The following EYA3 variants were observed in gnomAD, a reference collection of about 807,000 sequenced individuals.
EYA3 encodes EYA transcriptional coactivator and phosphatase 3, also known as protein phosphatase EYA3.
EYA3 carries 39 observed loss-of-function variants against 80.0 expected under a neutral mutation model. The ratio of observed to expected loss-of-function variants is 0.49; its 90% CI spans 0.38 to 0.64. The LOEUF is 0.64. EYA3 is among the 30% of genes least tolerant of loss of function. EYA3 has a pLI of 0.00. For synonymous variants in EYA3, 206 were observed against 232.8 expected (o/e 0.88, Z 1.05); for missense variants, 523 against 676.1 (o/e 0.77, Z 2.51).
intron 16 of EYA3, among the ~76,000 whole-genome samples, chr1:27,985,450 C>G (rs1038530607): frequency 1.3e-5 from 2 of 152,032 alleles, no homozygotes; most frequent in Non-Finnish European, 2.9e-5. Context: ...TTCAAGACAC[C>G]ATTCTTCTCA....
In EYA3 at chr1:28,010,960, T is replaced by G. The variant is rs141894644; in HGVS notation, c.896A>C (p.Asp299Ala). The change falls in exon 10 of 18, where the codon GAC becomes GCC. Residue 299 changes from aspartate to alanine, a missense_variant. Coordinates refer to ENST00000373871, the MANE Select transcript of EYA3 (RefSeq NM_001990.4). ...KRKADATSSQ[D>A]SELERVFLWD... Reference sequence around the variant, plus strand: ...TTCTTCTCATACTTCTAATTCACTGTCTTGGGAAGAAGTGGCATCAGCTTT... The same window carrying G: ...TTCTTCTCATACTTCTAATTCACTGGCTTGGGAAGAAGTGGCATCAGCTTT... 6.2e-7 allele frequency: 1 copy of G among 1,613,946 alleles called. No individual in the cohort carries two copies.
chr1:28,051,279 G>A (rs905749161), intron 2 of EYA3, among the ~76,000 whole-genome samples: 2 of 151,958 alleles, frequency 1.3e-5, no homozygotes, highest in African/African-American at 4.8e-5. Flanking sequence ...GTTCAGCAAG[G>A]CAGCAAAATA....
intron 17 of EYA3, chr1:27,977,425 ACTT>A: frequency 6.5e-7 from 1 of 1,538,814 alleles, no homozygotes; most frequent in Non-Finnish European, 8.8e-7. Context: ...GAGGGAAAGA[ACTT>A]CTACAGATCC....
chr1:28,011,048 G>C lies in EYA3; in HGVS notation c.808C>G (p.Pro270Ala), dbSNP rs369322819. 3 of 1,613,882 alleles carry C rather than the reference G, an allele frequency of 1.9e-6. No individual in the cohort carries two copies. Among genetic ancestry groups the C allele is most frequent in the Non-Finnish European group, 1.7e-6 (2 of 1,179,948 alleles). ...GACTGATCATCAGTATCTTTACTTG[G>C]TGTAGTCTGGGACAAAGATGGACTT... ...STSPSLSQTTPSKDTDDQSRK... is the reference protein window; with the variant it reads ...STSPSLSQTTASKDTDDQSRK... The change falls in exon 10 of 18, where the codon CCA (proline) becomes GCA (alanine). Residue 270 changes from proline to alanine, a missense_variant. By Grantham distance (27) the Pro-to-Ala change is conservative. Around this residue, in one of 2 missense-constraint regions of EYA3, gnomAD observed 304 missense variants for 343.3 expected, o/e 0.89. Coordinates refer to ENST00000373871, the MANE Select transcript of EYA3 (RefSeq NM_001990.4).
intron 16 of EYA3, among the ~76,000 whole-genome samples, 172 bp from the exon 17 acceptor site, chr1:27,978,646 C>T (rs979087502): frequency 3.8e-4 from 58 of 152,168 alleles, no homozygotes; most frequent in African/African-American, 1.3e-3. Context: ...AGACCCTCTG[C>T]CCAAAGAATG....
At chr1:27,995,777 T>A (rs1005412684) in intron 13 of EYA3, among the ~76,000 whole-genome samples, 1 of 152,008 alleles carries the variant, frequency 6.6e-6, no homozygotes, top group African/African-American at 2.4e-5. Context: ...TAAATTAAAA[T>A]AAAATAAAAA....
At chr1:28,076,696 G>GA (rs71027261) in intron 1 of EYA3, among the ~76,000 whole-genome samples, 121,385 of 121,506 alleles carry the variant, frequency 1, 60,632 homozygotes, top group Middle Eastern at 1. Flanking sequence ...AGAAAGAAAA[G>GA]AAAAAAAATG....
intron 1 of EYA3, among the ~76,000 whole-genome samples, chr1:28,082,773 A>G (rs1424901688): frequency 1.3e-5 from 2 of 152,338 alleles, no homozygotes; most frequent in Middle Eastern, 3.4e-3. Flanking sequence ...GTAAAAGAAA[A>G]AAATTAACTT....
intron 1 of EYA3, among the ~76,000 whole-genome samples, chr1:28,087,156 C>A (rs896865195): frequency 6.6e-6 from 1 of 151,974 alleles, no homozygotes. Flanking sequence ...CTATAAACAT[C>A]GGGAAAAAAT....
chr1:28,054,951 T>A (rs1402905875), intron 2 of EYA3, among the ~76,000 whole-genome samples: 2 of 152,204 alleles, frequency 1.3e-5, no homozygotes, highest in Admixed American at 6.5e-5. Context: ...TATAAACTAG[T>A]GCTAACTTAA....
rs749454479 is a variant in EYA3, at chr1:28,038,876, A to C, written c.187T>G (p.Ser63Ala). Residue 63 changes from serine to alanine, a missense_variant, in exon 5 of 18, where the codon TCA (serine) becomes GCA (alanine). Transcript: ENST00000373871. ...ATTTGTGAGGTATAATCATTGGATG[A>C]GCGAGGGATGTAATCGGTGCATGTC... Reference protein sequence around the residue: ...IMTCTDYIPRSSNDYTSQMYS... With the variant: ...IMTCTDYIPRASNDYTSQMYS... 5.6e-6 allele frequency: 9 copies of C among 1,601,684 alleles called. No homozygotes were observed. Among genetic ancestry groups the C allele is most frequent in the Non-Finnish European group, 6.0e-6 (7 of 1,172,268 alleles).
chr1:27,976,786 C>T (rs938549763), intron 17 of EYA3, among the ~76,000 whole-genome samples: 1 of 152,088 alleles, frequency 6.6e-6, no homozygotes, highest in Non-Finnish European at 1.5e-5. Flanking sequence ...GGCACGATCT[C>T]GGCTCACTGC....
chr1:28,004,306 G>C (rs1308824638), intron 11 of EYA3, 30 bp downstream of exon 11: 1 of 1,477,850 alleles, frequency 6.8e-7, no homozygotes, highest in Admixed American at 1.7e-5. Flanking sequence ...TCAGAAGAGG[G>C]ACAGTTACAA....
intron 1 of EYA3, among the ~76,000 whole-genome samples, chr1:28,065,929 G>T (rs1390597862): frequency 6.6e-6 from 1 of 151,626 alleles, no homozygotes; most frequent in African/African-American, 2.4e-5. Context: ...CTTGAACCAG[G>T]ACCCGGGAGG....
chr1:28,055,998 T>A (rs1274831815), intron 2 of EYA3, among the ~76,000 whole-genome samples: 2 of 152,008 alleles, frequency 1.3e-5, no homozygotes, highest in African/African-American at 4.8e-5. Flanking sequence ...TGAAAAGCTT[T>A]TTTTTTTTAC....
At position 28,079,150 on chromosome 1, in the gene EYA3, T is replaced by A. The variant is rs575646094; in HGVS notation, c.-69+9374A>T. ...GCTTTAAATAGTGCCTGGCACATAGTAAGTGCTCACTAAGTGTTAAGAGCA... is the reference window on the plus strand; with the variant it reads ...GCTTTAAATAGTGCCTGGCACATAGAAAGTGCTCACTAAGTGTTAAGAGCA... On this transcript the variant is annotated intron_variant, in intron 1 of 17. Coordinates refer to ENST00000373871, the MANE Select transcript of EYA3 (RefSeq NM_001990.4). Among the ~76,000 whole-genome samples the A allele has an allele frequency of 2.0e-5, 3 of 152,294 alleles. No homozygotes were observed. The South Asian group carries it at 6.2e-4, about 32-fold the overall frequency.
At chr1:28,085,199 T>C (rs477175) in intron 1 of EYA3, among the ~76,000 whole-genome samples, 98,069 of 152,006 alleles carry the variant, frequency 0.65, 32,332 homozygotes, top group African/African-American at 0.78. Context: ...ACCTTTAATC[T>C]CAGCACTTTG....
intron 1 of EYA3, among the ~76,000 whole-genome samples, chr1:28,059,281 A>C (rs1171070095): frequency 6.6e-6 from 1 of 152,194 alleles, no homozygotes; most frequent in African/African-American, 2.4e-5. Flanking sequence ...CCCAATTTAG[A>C]ATATCAAAAG....
At chr1:27,986,842 G>A (rs1442732547) in intron 16 of EYA3, among the ~76,000 whole-genome samples, 1 of 152,072 alleles carries the variant, frequency 6.6e-6, no homozygotes, top group African/African-American at 2.4e-5. Context: ...AGCTAGGACT[G>A]CAGGCGAGTG....
Sources: allele counts gnomAD v4.1 joint callset (sites outside exome capture counted in the v4.1 genomes callset), GRCh38; gene constraint gnomAD v4.1.1; regional missense constraint gnomAD v4.1.1; transcripts MANE v1.5; gene names NCBI Gene and HGNC (gene_info 2026-07-23, HGNC 2026-07-21).